MGAM: variants seen among roughly 807,000 people sequenced by gnomAD.
MGAM encodes alpha-1,4-glucosidase.
A neutral mutation model predicts 358.8 loss-of-function variants in MGAM; 253 were observed. That is an observed-to-expected ratio of 0.71 (90% confidence interval 0.64 to 0.78). The LOEUF (loss-of-function observed/expected upper bound fraction) is 0.78, where lower values mean the gene tolerates loss of function less well. Ranked by LOEUF, MGAM falls within the 30% of genes least tolerant of loss-of-function variation. The probability of loss-of-function intolerance (pLI) is 0.00; values close to 1 mark genes in which losing one functional copy is unlikely to be tolerated. For synonymous variants in MGAM, 1,105 were observed against 1,227.1 expected (o/e 0.90, Z 2.08); for missense variants, 3,080 against 3,432.6 (o/e 0.90, Z 2.57).
rs1554460319 is a variant in MGAM at position 142,025,035 on chromosome 7, A to G, written c.883-15A>G. The G allele has an allele frequency of 6.2e-7, 1 of 1,608,716 alleles. No homozygotes were observed. Among genetic ancestry groups the G allele is most frequent in the Admixed American group, 1.7e-5 (1 of 59,792 alleles). Reference sequence around the variant, plus strand: ...TCTTAGTTGTAAATTTTGGTTTTTAATTCTCTTTCTGCAGAACGGAACTAA... The same window carrying G: ...TCTTAGTTGTAAATTTTGGTTTTTAGTTCTCTTTCTGCAGAACGGAACTAA... On this transcript the variant is annotated splice_polypyrimidine_tract_variant and intron_variant, in intron 7 of 70. Coordinates refer to ENST00000475668, the MANE Select transcript of MGAM (RefSeq NM_001365693.1).
chr7:142,037,820 T>A (rs887184706), intron 18 of MGAM, among the ~76,000 whole-genome samples: 1 of 152,178 alleles, frequency 6.6e-6, no homozygotes, highest in Non-Finnish European at 1.5e-5. Context: ...TGTTTTGATA[T>A]AAGTGTGCGA....
chr7:142,020,999 G>T lies in MGAM; in HGVS notation c.474G>T (p.Leu158=). 6.2e-7 allele frequency: 1 copy of T among 1,613,174 alleles called. No individual in the cohort carries two copies. Among genetic ancestry groups the T allele is most frequent in the Non-Finnish European group, 8.5e-7 (1 of 1,179,476 alleles). Residue 158 remains leucine (L), a synonymous_variant, in exon 5 of 71, where the codon CTG becomes CTT. Coordinates refer to ENST00000475668, the MANE Select transcript of MGAM (RefSeq NM_001365693.1). ...GATTCACAGCCCGGTTGAAAAATCT[G>T]CCTTCTTCACCAGTGTTTGGAAGCA... is the stretch of plus-strand genomic sequence containing the variant. ...NAGFTARLKN[L]PSSPVFGSNV... is the part of the protein sequence containing the mutation.
intron 22 of MGAM, 50 bp downstream of exon 22, chr7:142,047,923 T>C (rs773114945): frequency 7.3e-7 from 1 of 1,374,012 alleles, no homozygotes; most frequent in African/African-American, 1.4e-5. Context: ...CACCTGTGAC[T>C]TATGGTCCTT....
chr7:142,059,706 G>T, intron 32 of MGAM, 106 bp downstream of exon 32: 1 of 1,580,230 alleles, frequency 6.3e-7, no homozygotes, highest in Non-Finnish European at 8.6e-7. Context: ...AAATTGAAGT[G>T]CAGTAAGAAA....
intron 44 of MGAM, among the ~76,000 whole-genome samples, chr7:142,072,457 T>C (rs1813422052): frequency 6.8e-6 from 1 of 146,382 alleles, no homozygotes; most frequent in African/African-American, 2.4e-5. Context: ...TTTCTGGTCA[T>C]TTGTAATATA....
chr7:142,081,880 G>A lies in MGAM; in HGVS notation c.6003-162G>A, dbSNP rs77781920. On this transcript the variant is annotated intron_variant, in intron 50 of 70. Transcript: ENST00000475668. Reference sequence around the variant, plus strand: ...ATGAAGAACTCCTGGGCTTTTAGTGGGGATATCTATGATATTTTAATCAAA... The same window carrying A: ...ATGAAGAACTCCTGGGCTTTTAGTGAGGATATCTATGATATTTTAATCAAA... Among the ~76,000 whole-genome samples, 1,113 of 145,810 alleles carry A rather than the reference G, an allele frequency of 7.6e-3. 51 individuals are homozygous for A. The highest frequency in any genetic ancestry group is 0.025 in the African/African-American group (1,047 of 41,098).
chr7:142,070,559 A>T (rs1484191072), intron 43 of MGAM, among the ~76,000 whole-genome samples: 1 of 146,062 alleles, frequency 6.8e-6, no homozygotes, highest in Non-Finnish European at 1.5e-5. Context: ...TGAGGAGGCT[A>T]TGCGGCTGAC....
chr7:142,058,234 G>T lies in MGAM; in HGVS notation c.3725G>T (p.Trp1242Leu). The T allele has an allele frequency of 1.2e-6, 2 of 1,613,876 alleles. No individual in the cohort carries two copies. Among genetic ancestry groups the T allele is most frequent in the Non-Finnish European group, 1.7e-6 (2 of 1,179,838 alleles). ...LIGRPVMVPY[W>L]SLGFQLCRYG... ...GGCCGGCCTGTGATGGTACCTTACT[G>T]GTCTTTGGGGTTCCAGCTGTGTCGC... is the stretch of plus-strand genomic sequence containing the variant. Residue 1242 changes from tryptophan to leucine, a missense_variant, in exon 31 of 71, where the codon TGG (tryptophan) becomes TTG (leucine). Physicochemically the swap from Trp to Leu is moderately conservative, Grantham distance 61. Coordinates refer to ENST00000475668, the MANE Select transcript of MGAM (RefSeq NM_001365693.1).
At position 142,088,656 on chromosome 7, in the gene MGAM, GTCTATCTATCTATCTA is replaced by G. The variant is rs35627220; in HGVS notation, c.6810+1966_6810+1981del. On this transcript the variant is annotated intron_variant, in intron 57 of 70. Coordinates refer to ENST00000475668, the MANE Select transcript of MGAM (RefSeq NM_001365693.1). ...GTTATATCTATCTTTCTATCTGTCT[GTCTATCTATCTATCTA>G]TCTATCTATCTATCTATCTATCTAT... Among the ~76,000 whole-genome samples, 532 of 125,850 alleles carry G rather than the reference GTCTATCTATCTATCTA, an allele frequency of 4.2e-3. 54 individuals are homozygous for G. The highest frequency in any genetic ancestry group is 6.2e-3 in the Admixed American group (76 of 12,188). 82.6% of individuals were successfully genotyped at this position (125,850 alleles called of 152,430 possible). A position where few individuals can be genotyped will look rare whatever the true frequency, so the allele number is the denominator to read the frequency against.
At chr7:142,049,781 TAAAA>T (rs941421967) in intron 22 of MGAM, among the ~76,000 whole-genome samples, 11 of 152,234 alleles carry the variant, frequency 7.2e-5, no homozygotes, top group African/African-American at 2.4e-4. Flanking sequence ...ATGGAAATAA[TAAAA>T]AAGATAAGAG....
At chr7:142,039,753 A>G (rs1214710091) in intron 19 of MGAM, among the ~76,000 whole-genome samples, 2 of 152,104 alleles carry the variant, frequency 1.3e-5, no homozygotes, top group Non-Finnish European at 2.9e-5. Context: ...ATCAGGGGTG[A>G]CTATTGTGCT....
At position 142,093,240 on chromosome 7, in the gene MGAM, C is replaced by T. The variant is rs560327845; in HGVS notation, c.7034-172C>T. On this transcript the variant is annotated intron_variant, in intron 59 of 70. Coordinates refer to ENST00000475668, the MANE Select transcript of MGAM (RefSeq NM_001365693.1). Reference sequence around the variant, plus strand: ...GAACTTGATGTTGGAAACACTGGAGCCGCCGTTGCAGCTCAGAGCTGGGGG... The same window carrying T: ...GAACTTGATGTTGGAAACACTGGAGTCGCCGTTGCAGCTCAGAGCTGGGGG... Among the ~76,000 whole-genome samples, 67 of 146,580 alleles carry T rather than the reference C, an allele frequency of 4.6e-4. 9 individuals are homozygous for T. The highest frequency in any genetic ancestry group is 9.3e-4 in the Non-Finnish European group (60 of 64,728).
intron 3 of MGAM, among the ~76,000 whole-genome samples, chr7:142,010,448 G>C (rs1163224194): frequency 1.3e-5 from 2 of 151,890 alleles, no homozygotes; most frequent in Non-Finnish European, 2.9e-5. Flanking sequence ...ACTTCTGCTT[G>C]GCTCATCCCT....
chr7:142,088,516 C>T (rs1037413103), intron 57 of MGAM, among the ~76,000 whole-genome samples: 3 of 144,480 alleles, frequency 2.1e-5, no homozygotes, highest in African/African-American at 7.4e-5. Context: ...ATCTACCGAT[C>T]AATGTATTAA....
At chr7:142,059,835 T>C in intron 32 of MGAM, 21 bp from the exon 33 acceptor site, 1 of 1,598,212 alleles carries the variant, frequency 6.3e-7, no homozygotes. Flanking sequence ...TTTTCCCAAC[T>C]GACTTATGCT....
Position 142,044,195 on chromosome 7 carries a change from A to G in MGAM, c.2498+3349A>G, listed in dbSNP as rs1222546693. ...ATTATATACACATACGACATATAAT[A>G]TATAATATATACATTATATACACAT... is the stretch of plus-strand genomic sequence containing the variant. On this transcript the variant is annotated intron_variant, in intron 21 of 70. Transcript: ENST00000475668. Among the ~76,000 whole-genome samples, 422 of 135,188 alleles carry G rather than the reference A, an allele frequency of 3.1e-3. 47 individuals are homozygous for G. Among genetic ancestry groups the G allele is most frequent in the Middle Eastern group, 0.026 (3 of 116 alleles). 88.7% of individuals were successfully genotyped at this position (135,188 alleles called of 152,430 possible).
At position 142,043,755 on chromosome 7, in the gene MGAM, GACA is replaced by G. The variant is rs1563151859; in HGVS notation, c.2498+2910_2498+2912del. Among the ~76,000 whole-genome samples the G allele has an allele frequency of 4.7e-3, 372 of 79,592 alleles. 170 individuals carry two copies. Among genetic ancestry groups the G allele is most frequent in the Non-Finnish European group, 7.9e-3 (304 of 38,258 alleles). The allele number at this position is 79,592 out of a possible 152,430, so 52.2% of individuals were successfully genotyped here. On this transcript the variant is annotated intron_variant, in intron 21 of 70. Transcript: ENST00000475668. ...TAATATATACATTATATACACATAC[GACA>G]TATAATATATACATTATATACACAT...
At chr7:142,010,812 T>C (rs10237480) in intron 3 of MGAM, among the ~76,000 whole-genome samples, 5,473 of 152,222 alleles carry the variant, frequency 0.036, 322 homozygotes, top group African/African-American at 0.13. Flanking sequence ...TATACTTCTA[T>C]GCAGATTTTA....
intron 15 of MGAM, 132 bp downstream of exon 15, chr7:142,034,511 T>C: frequency 8.4e-6 from 8 of 954,392 alleles, no homozygotes; most frequent in Non-Finnish European, 1.2e-5. Flanking sequence ...AAACATTTAA[T>C]GATACAGAAT....
Sources: allele counts gnomAD v4.1 joint callset (sites outside exome capture counted in the v4.1 genomes callset), GRCh38; gene constraint gnomAD v4.1.1; transcripts MANE v1.5; gene names NCBI Gene and HGNC (gene_info 2026-07-23, HGNC 2026-07-21).